EXOC6B: variants seen among roughly 807,000 people sequenced by gnomAD.
The protein encoded by EXOC6B is SEC15 homolog B.
Under a neutral mutation model 113.5 loss-of-function variants are expected in EXOC6B, and 54 were observed. The observed-to-expected ratio is 0.48, with a 90% confidence interval of 0.38 to 0.60. The LOEUF is 0.60. Ranked by LOEUF, EXOC6B falls within the 20% of genes least tolerant of loss-of-function variation. The pLI, the probability that EXOC6B is intolerant of heterozygous loss-of-function variation, is 0.00. For synonymous variants in EXOC6B, 357 were observed against 339.0 expected (o/e 1.05, Z -0.58); for missense variants, 797 against 977.5 (o/e 0.82, Z 2.46).
At chr2:72,673,408 G>A (rs981118189) in intron 6 of EXOC6B, among the ~76,000 whole-genome samples, 1 of 152,306 alleles carries the variant, frequency 6.6e-6, no homozygotes, top group African/African-American at 2.4e-5. Flanking sequence ...TGGCTAGCCA[G>A]AGTATCCCAT....
chr2:72,493,402 G>C (rs1573249231), intron 15 of EXOC6B, among the ~76,000 whole-genome samples: 1 of 139,068 alleles, frequency 7.2e-6, no homozygotes, highest in Non-Finnish European at 1.5e-5. Context: ...GAAGTATTTT[G>C]CAGTAATTTG....
intron 6 of EXOC6B, among the ~76,000 whole-genome samples, chr2:72,682,952 A>G (rs1676818934): frequency 6.6e-6 from 1 of 152,178 alleles, no homozygotes; most frequent in Non-Finnish European, 1.5e-5. Context: ...CAACATTTAA[A>G]AGCCACTGGA....
chr2:72,676,466 A>T (rs1235318827), intron 6 of EXOC6B, among the ~76,000 whole-genome samples: 1 of 152,236 alleles, frequency 6.6e-6, no homozygotes, highest in Non-Finnish European at 1.5e-5. Flanking sequence ...TTCTGAAGTG[A>T]AGAGTTCAAA....
chr2:72,768,143 G>T (rs1217677351), intron 1 of EXOC6B, among the ~76,000 whole-genome samples: 3 of 145,228 alleles, frequency 2.1e-5, no homozygotes, highest in Non-Finnish European at 4.5e-5. Context: ...AAAAAAGAAA[G>T]AAAGAAAGAA....
chr2:72,759,731 C>T (rs775969238), intron 1 of EXOC6B, among the ~76,000 whole-genome samples: 14 of 152,076 alleles, frequency 9.2e-5, no homozygotes, highest in Non-Finnish European at 1.8e-4. Flanking sequence ...CCAATTTTAA[C>T]GGGGAAGACT....
intron 6 of EXOC6B, among the ~76,000 whole-genome samples, chr2:72,598,326 A>G (rs1343473819): frequency 2.0e-5 from 3 of 152,022 alleles, no homozygotes; most frequent in African/African-American, 4.8e-5. Context: ...ACATGAGCCA[A>G]AGAAGTCTCA....
chr2:72,759,459 G>GTAGT (rs1682618641), intron 1 of EXOC6B, among the ~76,000 whole-genome samples: 1 of 152,148 alleles, frequency 6.6e-6, no homozygotes, highest in African/African-American at 2.4e-5. Context: ...CTATAGGCAT[G>GTAGT]TAGTTGATAC....
rs116962037 is a variant in EXOC6B at position 72,584,306 on chromosome 2, T to A, written c.670-8638A>T. On this transcript the variant is annotated intron_variant, in intron 6 of 21. Coordinates refer to ENST00000272427, the MANE Select transcript of EXOC6B (RefSeq NM_015189.3). ...ATGACACCCATTGGCTCAAGGGATT[T>A]GGGCCTACTCATAGGCACAAATAGA... Among the ~76,000 whole-genome samples, 264 of 151,420 alleles carry A rather than the reference T, an allele frequency of 1.7e-3. 6 individuals are homozygous for A. The East Asian group carries it at 0.047, about 27-fold the overall frequency.
intron 18 of EXOC6B, among the ~76,000 whole-genome samples, chr2:72,427,867 G>A (rs1695297780): frequency 6.6e-6 from 1 of 152,128 alleles, no homozygotes; most frequent in South Asian, 2.1e-4. Context: ...GGACCAATTG[G>A]CACACACTTC....
chr2:72,419,877 G>T (rs1249886326), intron 18 of EXOC6B, among the ~76,000 whole-genome samples: 1 of 152,084 alleles, frequency 6.6e-6, no homozygotes, highest in Admixed American at 6.5e-5. Flanking sequence ...TATTTCTTCA[G>T]ATATTCTACT....
At chr2:72,460,886 CT>C (rs1697600243) in intron 18 of EXOC6B, among the ~76,000 whole-genome samples, 1 of 151,488 alleles carries the variant, frequency 6.6e-6, no homozygotes, top group South Asian at 2.1e-4. Context: ...ATAAATCATG[CT>C]GCTATAAAGA....
chr2:72,469,586 T>G (rs529431380), intron 17 of EXOC6B, among the ~76,000 whole-genome samples: 1 of 152,240 alleles, frequency 6.6e-6, no homozygotes, highest in African/African-American at 2.4e-5. Context: ...CCAAATAATT[T>G]GACATTTTCT....
At chr2:72,212,342 C>T (rs371286156) in intron 20 of EXOC6B, among the ~76,000 whole-genome samples, 13 of 152,050 alleles carry the variant, frequency 8.5e-5, no homozygotes, top group African/African-American at 2.7e-4. Context: ...TAGAGATTTG[C>T]GTTAATTACT....
intron 20 of EXOC6B, among the ~76,000 whole-genome samples, chr2:72,310,555 G>A (rs1687124684): frequency 6.6e-6 from 1 of 151,810 alleles, no homozygotes; most frequent in Non-Finnish European, 1.5e-5. Context: ...GTTTTATGAT[G>A]TACAAAGATT....
chr2:72,816,881 A>G (rs2105154145), intron 1 of EXOC6B, among the ~76,000 whole-genome samples: 1 of 152,350 alleles, frequency 6.6e-6, no homozygotes, highest in South Asian at 2.1e-4. Context: ...ATTGTTGTCT[A>G]TTTAACTCAA....
chr2:72,409,810 A>G (rs1694044028), intron 18 of EXOC6B, among the ~76,000 whole-genome samples: 1 of 152,176 alleles, frequency 6.6e-6, no homozygotes, highest in African/African-American at 2.4e-5. Context: ...TGGCACATGT[A>G]TACATATGTA....
At chr2:72,744,468 T>G (rs994868275) in intron 1 of EXOC6B, among the ~76,000 whole-genome samples, 1 of 152,186 alleles carries the variant, frequency 6.6e-6, no homozygotes, top group Non-Finnish European at 1.5e-5. Context: ...GAATCTACCG[T>G]TGACATTTCA....
At chr2:72,547,592 G>T (rs1458149746) in intron 8 of EXOC6B, among the ~76,000 whole-genome samples, 3 of 152,082 alleles carry the variant, frequency 2.0e-5, no homozygotes, top group Admixed American at 6.6e-5. Context: ...ACTTGTTATG[G>T]GATGTACATA....
In EXOC6B at chr2:72,536,243, A is replaced by G. The variant is rs749852819; in HGVS notation, c.916-21117T>C. ...GATACGTCATTCAAGTCAACATTTT[A>G]TATTTATTTCTATTAAAATATGCTT... On this transcript the variant is annotated intron_variant, in intron 8 of 21. Coordinates refer to ENST00000272427, the MANE Select transcript of EXOC6B (RefSeq NM_015189.3). Among the ~76,000 whole-genome samples the G allele has an allele frequency of 3.9e-5, 6 of 152,146 alleles. No homozygotes were observed. In the South Asian group the frequency reaches 6.2e-4, roughly 16 times the overall value.
Sources: gnomAD v4.1 joint callset for allele counts (sites outside exome capture counted in the v4.1 genomes callset) on GRCh38, gnomAD v4.1.1 for gene constraint, MANE v1.5 for transcripts, NCBI Gene and HGNC (gene_info 2026-07-23, HGNC 2026-07-21) for gene names.